Variants in HIGD2B observed in about 807,000 individuals in gnomAD.
The protein encoded by HIGD2B is HIG1 domain family member 2B.
For synonymous variants in HIGD2B, 45 were observed against 28.1 expected (o/e 1.60, Z -1.90); for missense variants, 106 against 67.0 (o/e 1.58, Z -2.03).
intron 1 of HIGD2B, among the ~76,000 whole-genome samples, chr15:72,682,013 A>G (rs576784060): frequency 6.6e-6 from 1 of 152,268 alleles, no homozygotes; most frequent in Admixed American, 6.5e-5. Flanking sequence ...GGGCCTTGGG[A>G]TTATAGACGC....
chr15:72,676,190 T>C lies in HIGD2B; in HGVS notation c.185A>G (p.Asn62Ser), dbSNP rs200031725. Residue 62 changes from asparagine to serine, a missense_variant, in exon 3 of 3, where the codon AAC becomes AGC. Asn to Ser is a conservative substitution (Grantham distance 46, BLOSUM62 1). Coordinates refer to ENST00000311755, the MANE Select transcript of HIGD2B (RefSeq NM_001350932.3). ...GFLCTAAVLT[N>S]GLYCFHQGNS... ...GCCCTGGTGGAAGCAGTAGAGGCCG[T>C]TGGTGAGGACGGCCGCCGTGCACAG... 1.3e-6 allele frequency: 1 copy of C among 763,828 alleles called. No homozygotes were observed. The highest frequency in any genetic ancestry group is 1.7e-5 in the African/African-American group (1 of 59,038). 47.3% of individuals were successfully genotyped at this position (763,828 alleles called of 1,614,324 possible).
chr15:72,682,839 T>C, intron 1 of HIGD2B: 1 of 255,602 alleles, frequency 3.9e-6, no homozygotes, highest in Non-Finnish European at 8.1e-6. Flanking sequence ...CATTCCCCAC[T>C]TAAGTTTCAC....
chr15:72,675,948 G>C lies in HIGD2B; in HGVS notation c.*106C>G, dbSNP rs935398398. Reference sequence around the variant, plus strand: ...AGGAAGGGTCACTTCCTCCCCCAACGACACAGGGACCTCTCAAAGGAGAGG... The same window carrying C: ...AGGAAGGGTCACTTCCTCCCCCAACCACACAGGGACCTCTCAAAGGAGAGG... On this transcript the variant is annotated 3_prime_UTR_variant, in exon 3 of 3. Coordinates refer to ENST00000311755, the MANE Select transcript of HIGD2B (RefSeq NM_001350932.3). 3.3e-6 allele frequency: 2 copies of C among 602,474 alleles called. No homozygotes were observed. Among genetic ancestry groups the C allele is most frequent in the Non-Finnish European group, 5.9e-6 (2 of 336,276 alleles). 37.3% of individuals were successfully genotyped at this position (602,474 alleles called of 1,614,324 possible).
chr15:72,681,690 T>G (rs2064752284), intron 1 of HIGD2B, among the ~76,000 whole-genome samples: 1 of 143,782 alleles, frequency 7.0e-6, no homozygotes, highest in Non-Finnish European at 1.5e-5. Context: ...CACTGCAACC[T>G]CCACCTCCCG....
intron 2 of HIGD2B, among the ~76,000 whole-genome samples, chr15:72,678,726 A>G (rs1193327191): frequency 6.6e-6 from 1 of 152,168 alleles, no homozygotes; most frequent in Non-Finnish European, 1.5e-5. Flanking sequence ...GATCAGGTGC[A>G]GTGGTTCGCG....
rs1310671621 is a variant in HIGD2B, at chr15:72,685,943, CAG to C, written c.-320_-319del. On this transcript the variant is annotated 5_prime_UTR_variant, in exon 1 of 3. It removes the in-frame stop codon of an upstream open reading frame in the 5' UTR. Transcript: ENST00000311755. ...CTGCCATCCCAGGTGGCTGGCCTAC[CAG>C]CCAGCGCGGCCGGAGGTACAGACCA... 9 of 547,352 alleles carry C rather than the reference CAG, an allele frequency of 1.6e-5. No homozygotes were observed. Among genetic ancestry groups the C allele is most frequent in the Middle Eastern group, 4.9e-4 (1 of 2,052 alleles). 33.9% of individuals were successfully genotyped at this position (547,352 alleles called of 1,614,324 possible).
chr15:72,684,309 G>A (rs11856110), intron 1 of HIGD2B, among the ~76,000 whole-genome samples: 30,807 of 151,966 alleles, frequency 0.2, 3,877 homozygotes, highest in African/African-American at 0.36. Flanking sequence ...AGAAGATGAA[G>A]TAAAGTTACA....
At chr15:72,678,939 A>G (rs758644834) in intron 2 of HIGD2B, among the ~76,000 whole-genome samples, 4 of 151,614 alleles carry the variant, frequency 2.6e-5, no homozygotes, top group Non-Finnish European at 4.4e-5. Context: ...CGAGGCTACA[A>G]TGAGCCATGA....
At chr15:72,685,564 A>C (rs945676937) in intron 1 of HIGD2B, among the ~76,000 whole-genome samples, 2 of 152,316 alleles carry the variant, frequency 1.3e-5, no homozygotes, top group East Asian at 1.9e-4. Context: ...TAGGAAGGGA[A>C]GTTATCTACA....
intron 1 of HIGD2B, among the ~76,000 whole-genome samples, chr15:72,685,090 AAGAG>A (rs1200194984): frequency 6.6e-6 from 1 of 152,208 alleles, no homozygotes. Flanking sequence ...TAAAGATTAA[AAGAG>A]AGAGTGTTAC....
At chr15:72,677,632 C>G (rs899590299) in intron 2 of HIGD2B, among the ~76,000 whole-genome samples, 2 of 151,480 alleles carry the variant, frequency 1.3e-5, no homozygotes, top group Non-Finnish European at 2.9e-5. Context: ...CATGGTAATG[C>G]ATGCCTGTGA....
At chr15:72,677,356 G>A (rs2064703155) in intron 2 of HIGD2B, among the ~76,000 whole-genome samples, 1 of 152,066 alleles carries the variant, frequency 6.6e-6, no homozygotes, top group South Asian at 2.1e-4. Context: ...AACCCCGGAG[G>A]CGGAGGTTGC....
At chr15:72,684,278 G>C (rs952980954) in intron 1 of HIGD2B, among the ~76,000 whole-genome samples, 1 of 152,146 alleles carries the variant, frequency 6.6e-6, no homozygotes. Flanking sequence ...TGGTTACTTC[G>C]GGTATGCCTT....
chr15:72,685,033 T>C (rs1366250531), intron 1 of HIGD2B, among the ~76,000 whole-genome samples: 1 of 152,078 alleles, frequency 6.6e-6, no homozygotes, highest in African/African-American at 2.4e-5. Flanking sequence ...AAAGGCAGAG[T>C]ATTTATCTGA....
intron 2 of HIGD2B, among the ~76,000 whole-genome samples, chr15:72,677,623 A>G (rs1194582256): frequency 6.6e-6 from 1 of 151,894 alleles, no homozygotes; most frequent in African/African-American, 2.4e-5. Context: ...TTAGCCAGGC[A>G]TGGTAATGCA....
chr15:72,683,733 C>T (rs575286784), intron 1 of HIGD2B, among the ~76,000 whole-genome samples: 76 of 151,964 alleles, frequency 5.0e-4, no homozygotes, highest in African/African-American at 1.7e-3. Context: ...CCCAGCTACT[C>T]AGGAGGCTGA....
At chr15:72,680,220 A>G (rs2064734948) in intron 1 of HIGD2B, 27 bp from the exon 2 acceptor site, 1 of 156,176 alleles carries the variant, frequency 6.4e-6, no homozygotes, top group South Asian at 2.0e-4. Flanking sequence ...TAAACAAAAT[A>G]AAGAAGTTAG....
At chr15:72,676,810 G>C (rs1475558336) in intron 2 of HIGD2B, among the ~76,000 whole-genome samples, 4 of 152,146 alleles carry the variant, frequency 2.6e-5, no homozygotes, top group Admixed American at 2.6e-4. Context: ...GTTAGGAATG[G>C]GGAGGTGGTG....
Position 72,682,850 on chromosome 15 carries a change from C to G in HIGD2B, c.-192-2657G>C, listed in dbSNP as rs567163252. On this transcript the variant is annotated intron_variant, in intron 1 of 2. Transcript: ENST00000311755. ...AATCCATTCCCCACTTAAGTTTCAC[C>G]ATCTACTGGCTTTTCTGTTAATCCC... is the stretch of plus-strand genomic sequence containing the variant. 34 of 256,158 alleles carry G rather than the reference C, an allele frequency of 1.3e-4. No individual in the cohort carries two copies. The Admixed American group carries it at 1.3e-3, about 10-fold the overall frequency. 15.9% of individuals were successfully genotyped at this position (256,158 alleles called of 1,614,324 possible). A position where few individuals can be genotyped will look rare whatever the true frequency, so the allele number is the denominator to read the frequency against.
Sources: gnomAD v4.1 joint callset for allele counts (sites outside exome capture counted in the v4.1 genomes callset) on GRCh38, gnomAD v4.1.1 for gene constraint, MANE v1.5 for transcripts, NCBI Gene and HGNC (gene_info 2026-07-23, HGNC 2026-07-21) for gene names.